CISD2: variants seen among roughly 807,000 people sequenced by gnomAD.
CISD2 encodes the protein CDGSH iron-sulfur domain-containing protein 2.
Under a neutral mutation model 12.9 loss-of-function variants are expected in CISD2, and 1 was observed. The ratio of observed to expected loss-of-function variants is 0.08; its 90% CI spans 0.03 to 0.37. The LOEUF (loss-of-function observed/expected upper bound fraction) is 0.37, where lower values mean the gene tolerates loss of function less well. CISD2 is among the 10% of genes least tolerant of loss of function. CISD2 has a pLI of 0.99. For missense variants in CISD2, 97 were observed against 163.1 expected, an observed-to-expected ratio of 0.59 and a Z score of 2.21; for synonymous variants, 50 against 60.6, an observed-to-expected ratio of 0.83 and a Z score of 0.81.
At chr4:102,883,926 C>G (rs1001072518) in intron 1 of CISD2, among the ~76,000 whole-genome samples, 21 of 152,122 alleles carry the variant, frequency 1.4e-4, no homozygotes, top group Non-Finnish European at 2.1e-4. Flanking sequence ...TTGCCAGCCA[C>G]TCTTATAGGT....
intron 1 of CISD2, among the ~76,000 whole-genome samples, chr4:102,880,983 G>T (rs141154196): frequency 0.019 from 2,739 of 147,608 alleles, 78 homozygotes; most frequent in African/African-American, 0.062. Flanking sequence ...AGAGCGAGAC[G>T]CTGTCTCAAA....
chr4:102,888,245 T>C lies in CISD2; in HGVS notation c.*815T>C, dbSNP rs899967047. The C allele has an allele frequency of 6.6e-6, 1 of 152,254 alleles. No homozygotes were observed. The highest frequency in any genetic ancestry group is 1.5e-5 in the Non-Finnish European group (1 of 68,048). 9.4% of individuals were successfully genotyped at this position (152,254 alleles called of 1,614,324 possible). A position where few individuals can be genotyped will look rare whatever the true frequency, so the allele number is the denominator to read the frequency against. On this transcript the variant is annotated 3_prime_UTR_variant, in exon 3 of 3. Coordinates refer to ENST00000273986, the MANE Select transcript of CISD2 (RefSeq NM_001008388.5). ...AATTGTGTTTATGTGGATATTTTTC[T>C]CTTTTTAACACTATAAACCATTAAA...
chr4:102,875,203 C>T (rs769248801), intron 1 of CISD2, among the ~76,000 whole-genome samples: 4 of 152,252 alleles, frequency 2.6e-5, no homozygotes, highest in Non-Finnish European at 5.9e-5. Context: ...GAATGAAGCT[C>T]CTCCTCCCAT....
intron 1 of CISD2, among the ~76,000 whole-genome samples, chr4:102,879,347 A>C (rs1394934758): frequency 6.6e-6 from 1 of 152,148 alleles, no homozygotes; most frequent in Non-Finnish European, 1.5e-5. Context: ...TTTAGTAAGC[A>C]CTTAATAAAA....
rs920402020 is a variant in CISD2, at chr4:102,869,288, G to A, written c.103+101G>A. The stretch of plus-strand genomic sequence containing the variant: ...GCCAAGGGGCGGGACGGAGCTCGGC[G>A]CCTGGCACGTGATCCCCGCGCGCAG... On this transcript the variant is annotated intron_variant, in intron 1 of 2. Coordinates refer to ENST00000273986, the MANE Select transcript of CISD2 (RefSeq NM_001008388.5). 6 of 1,464,036 alleles carry A rather than the reference G, an allele frequency of 4.1e-6. No homozygotes were observed. In the East Asian group the frequency reaches 1.2e-4, roughly 30 times the overall value. 90.7% of individuals were successfully genotyped at this position (1,464,036 alleles called of 1,614,324 possible).
chr4:102,882,587 G>A (rs774276323), intron 1 of CISD2, among the ~76,000 whole-genome samples: 2 of 152,200 alleles, frequency 1.3e-5, no homozygotes, highest in Non-Finnish European at 2.9e-5. Context: ...AAACTTTGTG[G>A]TAATGGAAAT....
At chr4:102,873,987 G>A (rs1334085436) in intron 1 of CISD2, among the ~76,000 whole-genome samples, 3 of 151,974 alleles carry the variant, frequency 2.0e-5, no homozygotes, top group Admixed American at 1.3e-4. Context: ...TTAGCCGGGT[G>A]TGGTAGTGCA....
chr4:102,892,207 C>T lies in CISD2; in HGVS notation c.*4777C>T, dbSNP rs1448193430. 1 of 152,148 alleles carries T rather than the reference C, an allele frequency of 6.6e-6. No homozygotes were observed. The highest frequency in any genetic ancestry group is 1.5e-5 in the Non-Finnish European group (1 of 68,054). The allele number at this position is 152,148 out of a possible 1,614,324, so 9.4% of individuals were successfully genotyped here. On this transcript the variant is annotated 3_prime_UTR_variant, in exon 3 of 3. Transcript: ENST00000273986. Reference sequence around the variant, plus strand: ...CCAAGTAGCTGAGACTACAGTCATGCTTCATCATGCCCGGCTAATTTTTTA... The same window carrying T: ...CCAAGTAGCTGAGACTACAGTCATGTTTCATCATGCCCGGCTAATTTTTTA...
rs1302703742 is a variant in CISD2, at chr4:102,889,202, TC to T, written c.*1774del. The T allele has an allele frequency of 1.3e-5, 2 of 152,256 alleles. No homozygotes were observed. Among genetic ancestry groups the T allele is most frequent in the Non-Finnish European group, 1.5e-5 (1 of 68,044 alleles). 9.4% of individuals were successfully genotyped at this position (152,256 alleles called of 1,614,324 possible). A position where few individuals can be genotyped will look rare whatever the true frequency, so the allele number is the denominator to read the frequency against. On this transcript the variant is annotated 3_prime_UTR_variant, in exon 3 of 3. Coordinates refer to ENST00000273986, the MANE Select transcript of CISD2 (RefSeq NM_001008388.5). ...AAGGTGTATGTCCAAAATTGTTCTT[TC>T]CTCACATGTCAGTGGGGGATAAATA...
intron 1 of CISD2, among the ~76,000 whole-genome samples, chr4:102,880,860 C>T (rs1161847231): frequency 7.9e-5 from 12 of 151,918 alleles, no homozygotes; most frequent in Middle Eastern, 3.4e-3. Context: ...GGTGTGGTGG[C>T]GTGCGCCTAT....
intron 1 of CISD2, among the ~76,000 whole-genome samples, chr4:102,874,030 G>T (rs964428574): frequency 6.6e-6 from 1 of 151,672 alleles, no homozygotes; most frequent in African/African-American, 2.4e-5. Flanking sequence ...GGAGGCCAAG[G>T]CAGGAGAATC....
intron 1 of CISD2, among the ~76,000 whole-genome samples, chr4:102,872,404 T>G (rs752007186): frequency 6.6e-6 from 1 of 152,164 alleles, no homozygotes; most frequent in Non-Finnish European, 1.5e-5. Flanking sequence ...AGTAAACTCA[T>G]GCATTGAAAA....
Position 102,891,052 on chromosome 4 carries a change from G to C in CISD2, c.*3622G>C, listed in dbSNP as rs919067598. ...TAGTCAAAGTATGAAATCATTGATAGATCCAGAACAAGGAAATGATGTATG... is the reference window on the plus strand; with the variant it reads ...TAGTCAAAGTATGAAATCATTGATACATCCAGAACAAGGAAATGATGTATG... On this transcript the variant is annotated 3_prime_UTR_variant, in exon 3 of 3. Coordinates refer to ENST00000273986, the MANE Select transcript of CISD2 (RefSeq NM_001008388.5). 1.1e-4 allele frequency: 16 copies of C among 151,002 alleles called. No individual in the cohort carries two copies. The highest frequency in any genetic ancestry group is 8.5e-4 in the Admixed American group (13 of 15,220). 9.4% of individuals were successfully genotyped at this position (151,002 alleles called of 1,614,324 possible).
chr4:102,882,584 G>C (rs1733749294), intron 1 of CISD2, among the ~76,000 whole-genome samples: 1 of 152,228 alleles, frequency 6.6e-6, no homozygotes, highest in Non-Finnish European at 1.5e-5. Flanking sequence ...GTAAAACTTT[G>C]TGGTAATGGA....
At position 102,885,298 on chromosome 4, in the gene CISD2, G is replaced by A; in HGVS notation, c.186G>A (p.Lys62=). Residue 62 remains lysine, a synonymous_variant, in exon 2 of 3, where the codon AAG becomes AAA. Transcript: ENST00000273986. ...TTGCAGTTCGTCCATTCCTCCCGAAGAAGAAACAACAGAAGGATAGCTTGA... is the reference window on the plus strand; with the variant it reads ...TTGCAGTTCGTCCATTCCTCCCGAAAAAGAAACAACAGAAGGATAGCTTGA... ...GYLAVRPFLP[K]KKQQKDSLIN... The A allele has an allele frequency of 6.2e-7, 1 of 1,614,060 alleles. No homozygotes were observed. Among genetic ancestry groups the A allele is most frequent in the Non-Finnish European group, 8.5e-7 (1 of 1,179,968 alleles).
rs1396479963 is a variant in CISD2 at position 102,887,457 on chromosome 4, T to C, written c.*27T>C. The C allele has an allele frequency of 6.4e-6, 6 of 938,786 alleles. No homozygotes were observed. The African/African-American group carries it at 6.7e-5, about 10-fold the overall frequency. The allele number at this position is 938,786 out of a possible 1,614,324, so 58.2% of individuals were successfully genotyped here. A position where few individuals can be genotyped will look rare whatever the true frequency, so the allele number is the denominator to read the frequency against. On this transcript the variant is annotated 3_prime_UTR_variant, in exon 3 of 3. Coordinates refer to ENST00000273986, the MANE Select transcript of CISD2 (RefSeq NM_001008388.5). Reference sequence around the variant, plus strand: ...AATAATAACAATATTTTCTCATTCTTTGTGTATAGAAAATTTTAAAATGGT... The same window carrying C: ...AATAATAACAATATTTTCTCATTCTCTGTGTATAGAAAATTTTAAAATGGT...
intron 1 of CISD2, 48 bp downstream of exon 1, chr4:102,869,235 C>CG (rs1349267482): frequency 1.3e-5 from 20 of 1,563,276 alleles, no homozygotes; most frequent in Non-Finnish European, 1.7e-5. Flanking sequence ...GTTCGCCAAG[C>CG]GGGGGAAGGA....
chr4:102,874,905 C>T (rs752592566), intron 1 of CISD2, among the ~76,000 whole-genome samples: 9 of 152,202 alleles, frequency 5.9e-5, no homozygotes, highest in Non-Finnish European at 1.2e-4. Context: ...CTAGCCCTCT[C>T]TGCTATTCCT....
At chr4:102,876,749 GAA>G (rs112675674) in intron 1 of CISD2, among the ~76,000 whole-genome samples, 1 of 143,056 alleles carries the variant, frequency 7.0e-6, no homozygotes, top group African/African-American at 2.5e-5. Context: ...ACTCCATCTG[GAA>G]AAAAAAAAAA....
Sources: gnomAD v4.1 joint callset for allele counts (sites outside exome capture counted in the v4.1 genomes callset) on GRCh38, gnomAD v4.1.1 for gene constraint, MANE v1.5 for transcripts, NCBI Gene and HGNC (gene_info 2026-07-23, HGNC 2026-07-21) for gene names.